DNAAF3: variants seen among roughly 807,000 people sequenced by gnomAD.
The protein encoded by DNAAF3 is dynein axonemal assembly factor 3, also known as UPF0470 protein C19orf51.
Under a neutral mutation model 50.9 loss-of-function variants are expected in DNAAF3, and 40 were observed. That is an observed-to-expected ratio of 0.79 (90% CI 0.61 to 1.02). The LOEUF (loss-of-function observed/expected upper bound fraction) is 1.02. Ranked by LOEUF, DNAAF3 falls within the 50% of genes least tolerant of loss-of-function variation. DNAAF3 has a pLI of 0.00. For synonymous variants in DNAAF3, 327 were observed against 322.8 expected, an observed-to-expected ratio of 1.01 and a Z score of -0.14; for missense variants, 763 against 744.7, an observed-to-expected ratio of 1.02 and a Z score of -0.29.
Position 55,166,527 on chromosome 19 carries a change from A to C in DNAAF3, c.-9T>G, listed in dbSNP as rs748529039. On this transcript the variant is annotated 5_prime_UTR_variant, in exon 1 of 12. Coordinates refer to ENST00000524407, the MANE Select transcript of DNAAF3 (RefSeq NM_001256715.2). This position sits in a 1 kb window ranked among gnomAD's most constrained non-coding sequence, Gnocchi z 4.0. ...CACATGATACCTTGCCCACACCTTT[A>C]TCCTCCAAATATCCCGGGACGCCCC... 3 of 1,613,742 alleles carry C rather than the reference A, an allele frequency of 1.9e-6. No individual in the cohort carries two copies. The highest frequency in any genetic ancestry group is 1.7e-5 in the Admixed American group (1 of 59,964).
Position 55,160,006 on chromosome 19 carries a change from C to G in DNAAF3, c.1056G>C (p.Pro352=), listed in dbSNP as rs891187. The change falls in exon 10 of 12, where the codon CCG becomes CCC. Residue 352 remains proline (P), a synonymous_variant. Transcript: ENST00000524407. The surrounding 1 kb of genome is among the most constrained non-coding windows in gnomAD (Gnocchi z 4.7). ...AGTGGACGGTGAAAGATTCCGGGGT[C>G]GGGGCTGCTGGGGGAAGGGGATAGA... is the stretch of plus-strand genomic sequence containing the variant. ...GSPEPGTPAA[P]TPESFTVHFL... The G allele has an allele frequency of 7.6e-6, 10 of 1,310,618 alleles. No homozygotes were observed. The African/African-American group carries it at 1.3e-4, about 16-fold the overall frequency. 81.2% of individuals were successfully genotyped at this position (1,310,618 alleles called of 1,614,324 possible). A position where few individuals can be genotyped will look rare whatever the true frequency, so the allele number is the denominator to read the frequency against.
Position 55,166,592 on chromosome 19 carries a change from T to C in DNAAF3, c.-74A>G, listed in dbSNP as rs766429581. Reference sequence around the variant, plus strand: ...GTGCAGCACTGTGGACCCGCGGCACTCCACAACCGCTGCCCAGAGTCCCCG... The same window carrying C: ...GTGCAGCACTGTGGACCCGCGGCACCCCACAACCGCTGCCCAGAGTCCCCG... On this transcript the variant is annotated 5_prime_UTR_variant, in exon 1 of 12. Coordinates refer to ENST00000524407, the MANE Select transcript of DNAAF3 (RefSeq NM_001256715.2). The surrounding 1 kb of genome is among the most constrained non-coding windows in gnomAD (Gnocchi z 4.0). The C allele has an allele frequency of 1.2e-6, 2 of 1,614,098 alleles. No individual in the cohort carries two copies. Among genetic ancestry groups the C allele is most frequent in the African/African-American group, 1.3e-5 (1 of 75,036 alleles).
chr19:55,161,058 C>T lies in DNAAF3; in HGVS notation c.912+7G>A, dbSNP rs1408760485. ...CCTCTACCCCCAGTCCCAGCCTCGC[C>T]GCGCACCTTGACTGGCTGGCCGTTG... On this transcript the variant is annotated splice_region_variant and intron_variant, in intron 8 of 11. Transcript: ENST00000524407. This position sits in a 1 kb window ranked among gnomAD's most constrained non-coding sequence, Gnocchi z 6.4. The T allele has an allele frequency of 6.1e-5, 94 of 1,537,768 alleles. No individual in the cohort carries two copies. The highest frequency in any genetic ancestry group is 8.0e-5 in the Non-Finnish European group (91 of 1,144,026).
In DNAAF3 at chr19:55,160,781, A is replaced by C; in HGVS notation, c.913-6T>G. 6.2e-7 allele frequency: 1 copy of C among 1,607,964 alleles called. No individual in the cohort carries two copies. Among genetic ancestry groups the C allele is most frequent in the African/African-American group, 1.3e-5 (1 of 74,946 alleles). On this transcript the variant is annotated splice_polypyrimidine_tract_variant and splice_region_variant and intron_variant, in intron 8 of 11. Transcript: ENST00000524407. This position sits in a 1 kb window ranked among gnomAD's most constrained non-coding sequence, Gnocchi z 4.7. The stretch of plus-strand genomic sequence containing the variant: ...TGAGTGATCTCCCCGGCCGTCTAAC[A>C]GTAGAAGGGGCGTGGCCAGACGTCG...
rs780243644 is a variant in DNAAF3, at chr19:55,161,463, G to T, written c.664-45C>A. On this transcript the variant is annotated intron_variant, in intron 6 of 11. Transcript: ENST00000524407. This position sits in a 1 kb window ranked among gnomAD's most constrained non-coding sequence, Gnocchi z 6.4. ...GAAGGGAGCCCTCAGTGAACCGAGC[G>T]TGGAGAGACCCCTACACCAGCCTCC... 6.4e-6 allele frequency: 10 copies of T among 1,566,480 alleles called. No homozygotes were observed. The highest frequency in any genetic ancestry group is 7.8e-6 in the Non-Finnish European group (9 of 1,156,388).
Position 55,159,889 on chromosome 19 carries a change from C to T in DNAAF3, c.1163+10G>A. 1 of 1,613,052 alleles carries T rather than the reference C, an allele frequency of 6.2e-7. No homozygotes were observed. The highest frequency in any genetic ancestry group is 8.5e-7 in the Non-Finnish European group (1 of 1,179,318). The stretch of plus-strand genomic sequence containing the variant: ...TGGGTCTTTGTGAGCACAGCTGCCT[C>T]CCCGCTTACCCACAGGCCACATAGA... On this transcript the variant is annotated intron_variant, in intron 10 of 11. Transcript: ENST00000524407.
intron 4 of DNAAF3, chr19:55,162,733 A>T (rs1310197957): frequency 2.1e-6 from 2 of 940,288 alleles, no homozygotes; most frequent in Non-Finnish European, 1.3e-6. Context: ...AAGCATTTAC[A>T]TTGTATTACA....
intron 4 of DNAAF3, chr19:55,162,772 G>A (rs539099576): frequency 3.1e-5 from 24 of 784,052 alleles, no homozygotes; most frequent in Non-Finnish European, 3.6e-5. Flanking sequence ...GATGATTTGC[G>A]GTGTATGGGA....
At position 55,162,146 on chromosome 19, in the gene DNAAF3, AGGCTGAGCCAG is replaced by A; in HGVS notation, c.456_466del (p.Trp153ProfsTer63). 2 of 1,250,734 alleles carry A rather than the reference AGGCTGAGCCAG, an allele frequency of 1.6e-6. No individual in the cohort carries two copies. Among genetic ancestry groups the A allele is most frequent in the Non-Finnish European group, 2.0e-6 (2 of 991,574 alleles). 77.5% of individuals were successfully genotyped at this position (1,250,734 alleles called of 1,614,324 possible). A position where few individuals can be genotyped will look rare whatever the true frequency, so the allele number is the denominator to read the frequency against. On this transcript the variant is annotated frameshift_variant, in exon 5 of 12. Coordinates refer to ENST00000524407, the MANE Select transcript of DNAAF3 (RefSeq NM_001256715.2). LOFTEE classifies it high-confidence loss of function. ...GGGCGGCGGCACCTTGAGGGCGCGGAGGCTGAGCCAGGGCAGCTGTTCCTCCAGGCGGTCGG... is the reference window on the plus strand; with the variant it reads ...GGGCGGCGGCACCTTGAGGGCGCGGAGGCAGCTGTTCCTCCAGGCGGTCGG...
At position 55,160,161 on chromosome 19, in the gene DNAAF3, C is replaced by T; in HGVS notation, c.1049-148G>A. Reference sequence around the variant, plus strand: ...GTCCTCTTGCAGCTTTTTAAAAAATCCTCTAAGGTAGGCTCCTGGAAAGTT... The same window carrying T: ...GTCCTCTTGCAGCTTTTTAAAAAATTCTCTAAGGTAGGCTCCTGGAAAGTT... On this transcript the variant is annotated intron_variant, in intron 9 of 11. Transcript: ENST00000524407. The surrounding 1 kb of genome is among the most constrained non-coding windows in gnomAD (Gnocchi z 4.7). 1 of 655,602 alleles carries T rather than the reference C, an allele frequency of 1.5e-6. No individual in the cohort carries two copies. The highest frequency in any genetic ancestry group is 2.7e-6 in the Non-Finnish European group (1 of 369,698). 40.6% of individuals were successfully genotyped at this position (655,602 alleles called of 1,614,324 possible). A position where few individuals can be genotyped will look rare whatever the true frequency, so the allele number is the denominator to read the frequency against.
In DNAAF3 at chr19:55,161,611, C is replaced by T; in HGVS notation, c.663+32G>A. ...CCCTCCTCCCTCAGACCCAGGGGTC[C>T]AGGCCCCCAGCCCCTCTCCTGGGCC... On this transcript the variant is annotated intron_variant, in intron 6 of 11. Coordinates refer to ENST00000524407, the MANE Select transcript of DNAAF3 (RefSeq NM_001256715.2). This position sits in a 1 kb window ranked among gnomAD's most constrained non-coding sequence, Gnocchi z 6.4. The T allele has an allele frequency of 6.6e-7, 1 of 1,517,336 alleles. No individual in the cohort carries two copies. Among genetic ancestry groups the T allele is most frequent in the South Asian group, 1.2e-5 (1 of 82,044 alleles). The allele number at this position is 1,517,336 out of a possible 1,614,324, so 94.0% of individuals were successfully genotyped here. A position where few individuals can be genotyped will look rare whatever the true frequency, so the allele number is the denominator to read the frequency against.
chr19:55,166,105 G>A lies in DNAAF3; in HGVS notation c.86-105C>T, dbSNP rs772777672. The A allele has an allele frequency of 1.7e-5, 27 of 1,590,332 alleles. No homozygotes were observed. In the Admixed American group the frequency reaches 4.3e-4, roughly 26 times the overall value. On this transcript the variant is annotated intron_variant, in intron 2 of 11. Coordinates refer to ENST00000524407, the MANE Select transcript of DNAAF3 (RefSeq NM_001256715.2). This position sits in a 1 kb window ranked among gnomAD's most constrained non-coding sequence, Gnocchi z 4.0. Reference sequence around the variant, plus strand: ...ACAAATCCCAGTAGGCGTTCCGCCCGTGGCCTAGGTTCTAAGGGGAGGTGT... The same window carrying A: ...ACAAATCCCAGTAGGCGTTCCGCCCATGGCCTAGGTTCTAAGGGGAGGTGT...
rs761801391 is a variant in DNAAF3 at position 55,160,732 on chromosome 19, C to T, written c.956G>A (p.Arg319His). 2 of 1,612,760 alleles carry T rather than the reference C, an allele frequency of 1.2e-6. No homozygotes were observed. The highest frequency in any genetic ancestry group is 2.2e-5 in the South Asian group (2 of 91,036). ...CGCGCGCCCCCAGGCGGCCACGTCG[C>T]GGAGCAGCTCCGTCACGTTGTGTTG... ...ITQHNVTELL[R>H]DVAAWGRARA... Residue 319 changes from arginine to histidine, a missense_variant, in exon 9 of 12, where the codon CGC (arginine) becomes CAC (histidine). Coordinates refer to ENST00000524407, the MANE Select transcript of DNAAF3 (RefSeq NM_001256715.2). The surrounding 1 kb of genome is among the most constrained non-coding windows in gnomAD (Gnocchi z 4.7).
At chr19:55,163,999 G>A (rs962068129) in intron 4 of DNAAF3, among the ~76,000 whole-genome samples, 2 of 152,146 alleles carry the variant, frequency 1.3e-5, no homozygotes, top group African/African-American at 2.4e-5. Context: ...CTGTTCTCGT[G>A]ATAGTGAGTT....
rs199882635 is a variant in DNAAF3 at position 55,159,062 on chromosome 19, T to C, written c.1626A>G (p.Ter542TrpextTer4). Residue 542 changes from the stop codon to tryptophan, a stop_lost, in exon 12 of 12, where the codon TGA becomes TGG. Transcript: ENST00000524407. ...NCESDSKTGV* is the reference protein window; with the variant it reads ...NCESDSKTGVW ...AGATAAGGGGTGTCTAGGGGTTGGG[T>C]CAGACTCCAGTTTTGGAGTCTGACT... 8.6e-5 allele frequency: 135 copies of C among 1,578,778 alleles called. No homozygotes were observed. In the African/African-American group the frequency reaches 1.6e-3, roughly 18 times the overall value.
rs1435893324 is a variant in DNAAF3 at position 55,162,262 on chromosome 19, C to T, written c.351G>A (p.Trp117Ter). The T allele has an allele frequency of 1.6e-6, 2 of 1,250,498 alleles. No individual in the cohort carries two copies. Among genetic ancestry groups the T allele is most frequent in the African/African-American group, 1.6e-5 (1 of 64,492 alleles). The allele number at this position is 1,250,498 out of a possible 1,614,324, so 77.5% of individuals were successfully genotyped here. The change falls in exon 5 of 12, where the codon TGG (tryptophan) becomes TGA (stop). Residue 117 changes from tryptophan to a stop codon, truncating the protein, a stop_gained. Coordinates refer to ENST00000524407, the MANE Select transcript of DNAAF3 (RefSeq NM_001256715.2). LOFTEE classifies it high-confidence loss of function. ...QERSETFLEVWGNALLRPPVA... is the reference protein window; with the variant it reads ...QERSETFLEV Reference sequence around the variant, plus strand: ...CTGGCGGGCGCAGCAGCGCGTTCCCCCACACTTCCAGGAAGGTCTCGCTTC... The same window carrying T: ...CTGGCGGGCGCAGCAGCGCGTTCCCTCACACTTCCAGGAAGGTCTCGCTTC...
chr19:55,159,670 T>C, intron 10 of DNAAF3, 63 bp from the exon 11 acceptor site: 1 of 1,606,784 alleles, frequency 6.2e-7, no homozygotes, highest in Non-Finnish European at 8.5e-7. Flanking sequence ...GATGGGGCTC[T>C]GGGATCCCAG....
Position 55,160,849 on chromosome 19 carries a change from C to T in DNAAF3, c.913-74G>A. 11 of 1,539,504 alleles carry T rather than the reference C, an allele frequency of 7.1e-6. No homozygotes were observed. The highest frequency in any genetic ancestry group is 2.1e-4 in the Middle Eastern group (1 of 4,690). ...CGGGGCTTAGAACGCTGGGAGTCCT[C>T]GGTCCAGGACTAGAACTCCCGCAGC... On this transcript the variant is annotated intron_variant, in intron 8 of 11. Coordinates refer to ENST00000524407, the MANE Select transcript of DNAAF3 (RefSeq NM_001256715.2). This position sits in a 1 kb window ranked among gnomAD's most constrained non-coding sequence, Gnocchi z 4.7.
rs1334942031 is a variant in DNAAF3, at chr19:55,159,429, T to A, written c.1259A>T (p.Gln420Leu). 1 of 1,614,028 alleles carries A rather than the reference T, an allele frequency of 6.2e-7. No homozygotes were observed. The highest frequency in any genetic ancestry group is 8.5e-7 in the Non-Finnish European group (1 of 1,179,912). ...ELARYLVDVRQEQLQGFNTRV... is the reference protein window; with the variant it reads ...ELARYLVDVRLEQLQGFNTRV... ...GGTGTTGAATCCCTGCAGCTGCTCC[T>A]GCCGCACGTCCACCAGGTACCTGCA... Residue 420 changes from glutamine (Q) to leucine (L), a missense_variant, in exon 12 of 12, where the codon CAG becomes CTG. By Grantham distance (113) the Gln-to-Leu change is moderately radical (BLOSUM62 -2). Coordinates refer to ENST00000524407, the MANE Select transcript of DNAAF3 (RefSeq NM_001256715.2).
Sources: gnomAD v4.1 joint callset for allele counts (sites outside exome capture counted in the v4.1 genomes callset) on GRCh38, gnomAD v4.1.1 for gene constraint, Gnocchi (gnomAD v3.1) non-coding constraint, MANE v1.5 for transcripts, NCBI Gene and HGNC (gene_info 2026-07-23, HGNC 2026-07-21) for gene names.